ATP1A2: variants seen among roughly 807,000 people sequenced by gnomAD.
ATP1A2 encodes the protein ATPase Na+/K+ transporting subunit alpha 2, also known as sodium/potassium-transporting ATPase subunit alpha-2.
Under a neutral mutation model 113.1 loss-of-function variants are expected in ATP1A2, and 56 were observed. That is an observed-to-expected ratio of 0.49 (90% CI 0.40 to 0.62). The LOEUF (loss-of-function observed/expected upper bound fraction) is 0.62, where lower values mean the gene tolerates loss of function less well. Among genes scored for constraint, ATP1A2 ranks in the 20% least tolerant of loss-of-function variants. The pLI is 0.00. For missense variants in ATP1A2, 712 were observed against 1,357.8 expected (o/e 0.52, Z 7.47); for synonymous variants, 490 against 526.8 (o/e 0.93, Z 0.96).
At position 160,124,058 on chromosome 1, in the gene ATP1A2, T is replaced by C; in HGVS notation, c.495+2T>C. ...TCCTTCAAGAACATGGTACCTCAGG[T>C]AAGATGGCAGGGCTGGGCTCTGGGC... On this transcript the variant is annotated splice_donor_variant, in intron 5 of 22. Transcript: ENST00000361216. LOFTEE classifies it high-confidence loss of function. 6.2e-7 allele frequency: 1 copy of C among 1,613,952 alleles called. No individual in the cohort carries two copies. Among genetic ancestry groups the C allele is most frequent in the Non-Finnish European group, 8.5e-7 (1 of 1,179,848 alleles).
chr1:160,133,256 C>A (rs1651823832), intron 13 of ATP1A2, among the ~76,000 whole-genome samples: 1 of 152,004 alleles, frequency 6.6e-6, no homozygotes, highest in Non-Finnish European at 1.5e-5. Flanking sequence ...TCAGAGGGGT[C>A]AAGTAGGATG....
chr1:160,126,955 T>G (rs1301783225), intron 7 of ATP1A2, among the ~76,000 whole-genome samples: 3 of 152,184 alleles, frequency 2.0e-5, no homozygotes, highest in African/African-American at 7.2e-5. Context: ...CTAAGTATAT[T>G]AAAGCACAAT....
chr1:160,128,396 A>G lies in ATP1A2; in HGVS notation c.1018-256A>G, dbSNP rs539875269. On this transcript the variant is annotated intron_variant, in intron 8 of 22. Transcript: ENST00000361216. ...CTGTGTTGATGACTCAGACATCCCT[A>G]TGCTCAGCTCTGCTCTGGCCCTCTC... 2.8e-5 allele frequency: 28 copies of G among 1,013,548 alleles called. No individual in the cohort carries two copies. In the South Asian group the frequency reaches 3.8e-4, roughly 14 times the overall value. 62.8% of individuals were successfully genotyped at this position (1,013,548 alleles called of 1,614,324 possible).
chr1:160,121,992 C>T (rs1270163838), intron 3 of ATP1A2, among the ~76,000 whole-genome samples: 4 of 152,048 alleles, frequency 2.6e-5, no homozygotes, highest in African/African-American at 9.7e-5. Context: ...ATTAGCTTGG[C>T]ACAGTGATGG....
chr1:160,128,192 T>C (rs1651645678), intron 8 of ATP1A2, among the ~76,000 whole-genome samples: 1 of 152,180 alleles, frequency 6.6e-6, no homozygotes, highest in African/African-American at 2.4e-5. Context: ...CTGAAACAGA[T>C]ACTGCTGTCC....
chr1:160,141,257 C>T (rs1451426996), intron 22 of ATP1A2, 37 bp from the exon 23 acceptor site: 10 of 1,613,488 alleles, frequency 6.2e-6, no homozygotes, highest in Admixed American at 3.3e-5. Flanking sequence ...TCCTTTTAAG[C>T]TCATGCTGCA....
At chr1:160,116,711 T>G (rs1184768365) in intron 1 of ATP1A2, among the ~76,000 whole-genome samples, 2 of 152,148 alleles carry the variant, frequency 1.3e-5, no homozygotes, top group Non-Finnish European at 2.9e-5. Flanking sequence ...GCTGCTTTCC[T>G]TTTGTGGAAT....
chr1:160,137,319 G>T, intron 20 of ATP1A2: 1 of 455,442 alleles, frequency 2.2e-6, no homozygotes, highest in East Asian at 4.5e-5. Context: ...CCTATCCTTT[G>T]CCCAGCCCTA....
At position 160,139,678 on chromosome 1, in the gene ATP1A2, C is replaced by T. The variant is rs867252510; in HGVS notation, c.2879C>T (p.Ala960Val). ...ILIFGLLEET[A>V]LAAFLSYCPG... Reference sequence around the variant, plus strand: ...ATTTTTGGGCTCCTGGAGGAGACGGCGTTGGCTGCCTTTCTCTCTTACTGC... The same window carrying T: ...ATTTTTGGGCTCCTGGAGGAGACGGTGTTGGCTGCCTTTCTCTCTTACTGC... Residue 960 changes from alanine (A) to valine (V), a missense_variant, in exon 21 of 23, where the codon GCG becomes GTG. Transcript: ENST00000361216. 3 of 1,614,166 alleles carry T rather than the reference C, an allele frequency of 1.9e-6. No individual in the cohort carries two copies. The highest frequency in any genetic ancestry group is 2.5e-6 in the Non-Finnish European group (3 of 1,180,024).
intron 21 of ATP1A2, 67 bp from the exon 22 acceptor site, chr1:160,139,826 G>C (rs964620266): frequency 1.2e-6 from 2 of 1,610,028 alleles, no homozygotes; most frequent in African/African-American, 2.7e-5. Context: ...CGCTTTGAAT[G>C]CTCCTTTATG....
At chr1:160,140,042 C>G in intron 22 of ATP1A2, 58 bp downstream of exon 22, 1 of 1,535,650 alleles carries the variant, frequency 6.5e-7, no homozygotes, top group Non-Finnish European at 9.0e-7. Flanking sequence ...GCTCCTCCCT[C>G]CAGGACCACA....
chr1:160,132,398 A>G (rs113030175), intron 13 of ATP1A2, among the ~76,000 whole-genome samples: 83 of 152,126 alleles, frequency 5.5e-4, no homozygotes, highest in African/African-American at 1.9e-3. Flanking sequence ...TTGAGGAGGG[A>G]CTGGATTTGG....
intron 21 of ATP1A2, 59 bp from the exon 22 acceptor site, chr1:160,139,834 A>T: frequency 6.2e-7 from 1 of 1,610,178 alleles, no homozygotes; most frequent in South Asian, 1.1e-5. Context: ...ATGCTCCTTT[A>T]TGTGACAGCC....
chr1:160,116,117 C>T (rs1651169362), intron 1 of ATP1A2, among the ~76,000 whole-genome samples: 2 of 151,848 alleles, frequency 1.3e-5, no homozygotes, highest in South Asian at 2.1e-4. Context: ...CCACAGCCCA[C>T]CACACATGCC....
Position 160,117,987 on chromosome 1 carries a change from C to G in ATP1A2, c.12+2114C>G, listed in dbSNP as rs112205510. Among the ~76,000 whole-genome samples the G allele has an allele frequency of 4.4e-3, 677 of 152,162 alleles. 4 individuals carry two copies. The highest frequency in any genetic ancestry group is 0.016 in the African/African-American group (647 of 41,522). The stretch of plus-strand genomic sequence containing the variant: ...GGTTGGGGGGGTCCTTGCTTCCTCT[C>G]TTTCTTTCTTGCCTGGGCAGCCGCT... On this transcript the variant is annotated intron_variant, in intron 1 of 22. Coordinates refer to ENST00000361216, the MANE Select transcript of ATP1A2 (RefSeq NM_000702.4).
rs552659295 is a variant in ATP1A2 at position 160,118,654 on chromosome 1, CT to C, written c.13-2251del. 5.9e-5 allele frequency among the ~76,000 whole-genome samples: 9 copies of C among 152,244 alleles called. No homozygotes were observed. In the South Asian group the frequency reaches 1.2e-3, roughly 21 times the overall value. ...AGGTGGAGACAAACCCACGATTTTA[CT>C]GGTCACCTTTTCTGAGAAGAGCACT... On this transcript the variant is annotated intron_variant, in intron 1 of 22. Transcript: ENST00000361216.
chr1:160,128,934 G>T (rs777688635), intron 9 of ATP1A2, 46 bp from the exon 10 acceptor site: 26 of 1,597,062 alleles, frequency 1.6e-5, no homozygotes, highest in Non-Finnish European at 2.1e-5. Context: ...TGAGATAAAG[G>T]CTCTAAAGGG....
chr1:160,128,424 G>T, intron 8 of ATP1A2: 1 of 1,312,732 alleles, frequency 7.6e-7, no homozygotes, highest in Non-Finnish European at 1.1e-6. Flanking sequence ...GCCCTCTCTG[G>T]AGCTCTAGTC....
chr1:160,124,249 C>A (rs1363998054), intron 5 of ATP1A2, 47 bp from the exon 6 acceptor site: 3 of 1,564,940 alleles, frequency 1.9e-6, no homozygotes, highest in African/African-American at 1.4e-5. Context: ...GAGAAGAAGG[C>A]AGGGGCAGAG....
Sources: allele counts gnomAD v4.1 joint callset (sites outside exome capture counted in the v4.1 genomes callset), GRCh38; gene constraint gnomAD v4.1.1; transcripts MANE v1.5; gene names NCBI Gene and HGNC (gene_info 2026-07-23, HGNC 2026-07-21).